STK32A: variants seen among roughly 807,000 people sequenced by gnomAD.
STK32A encodes the protein serine/threonine-protein kinase 32A.
STK32A carries 41 observed loss-of-function variants against 53.2 expected under a neutral mutation model. The observed-to-expected ratio is 0.77, with a 90% confidence interval of 0.60 to 1.00. STK32A has a LOEUF of 1.00. Ranked by LOEUF, STK32A falls within the 50% of genes least tolerant of loss-of-function variation. The probability of loss-of-function intolerance (pLI) is 0.00; values close to 1 mark genes in which losing one functional copy is unlikely to be tolerated. For synonymous variants in STK32A, 166 were observed against 162.8 expected (o/e 1.02, Z -0.15); for missense variants, 458 against 485.8 (o/e 0.94, Z 0.54).
chr5:147,333,686 T>G (rs1465532000), intron 5 of STK32A, among the ~76,000 whole-genome samples: 1 of 152,224 alleles, frequency 6.6e-6, no homozygotes, highest in Non-Finnish European at 1.5e-5. Flanking sequence ...TATATTAATT[T>G]ATTATACCCA....
intron 2 of STK32A, among the ~76,000 whole-genome samples, chr5:147,275,214 G>A (rs986522955): frequency 6.6e-6 from 1 of 151,848 alleles, no homozygotes; most frequent in African/African-American, 2.4e-5. Flanking sequence ...TTCTGATTTT[G>A]TTTGAATTTA....
intron 1 of STK32A, among the ~76,000 whole-genome samples, chr5:147,236,930 T>C (rs1384971807): frequency 1.3e-5 from 2 of 152,128 alleles, no homozygotes; most frequent in Admixed American, 1.3e-4. Context: ...TGGGGTGCAT[T>C]GTGAAAACTA....
intron 2 of STK32A, among the ~76,000 whole-genome samples, chr5:147,272,635 T>TTAG (rs2151952082): frequency 1.3e-5 from 2 of 151,792 alleles, no homozygotes; most frequent in East Asian, 3.9e-4. Flanking sequence ...CAAGGATTTG[T>TTAG]TAATGGTTGC....
At position 147,336,399 on chromosome 5, in the gene STK32A, C is replaced by A. The variant is rs148594887; in HGVS notation, c.435-6607C>A. Among the ~76,000 whole-genome samples the A allele has an allele frequency of 1.1e-4, 16 of 152,000 alleles. No homozygotes were observed. In the East Asian group the frequency reaches 3.1e-3, roughly 30 times the overall value. On this transcript the variant is annotated intron_variant, in intron 5 of 12. Coordinates refer to ENST00000397936, the MANE Select transcript of STK32A (RefSeq NM_001112724.2). ...TGCTAACTCCTGGCCCAGGAGAGGTCCTTCAGGGCACTGCTCCTGGGCTTC... is the reference window on the plus strand; with the variant it reads ...TGCTAACTCCTGGCCCAGGAGAGGTACTTCAGGGCACTGCTCCTGGGCTTC...
chr5:147,367,843 CCTT>C (rs111774605), intron 8 of STK32A, among the ~76,000 whole-genome samples: 7,300 of 152,112 alleles, frequency 0.048, 616 homozygotes, highest in African/African-American at 0.17. Context: ...CACTTAGACA[CCTT>C]CTAGGAAAAA....
At chr5:147,362,533 G>T (rs1001248966) in intron 8 of STK32A, among the ~76,000 whole-genome samples, 1 of 152,132 alleles carries the variant, frequency 6.6e-6, no homozygotes, top group Non-Finnish European at 1.5e-5. Context: ...GAGGGTTAAG[G>T]CTTCAACATC....
chr5:147,253,596 T>C (rs1388668444), intron 2 of STK32A, among the ~76,000 whole-genome samples: 2 of 152,144 alleles, frequency 1.3e-5, no homozygotes, highest in Non-Finnish European at 2.9e-5. Flanking sequence ...TCTCAAGTGA[T>C]CCACCCACCT....
the STK32A span, among the ~76,000 whole-genome samples, chr5:147,397,384 C>T: frequency 2.0e-5 from 3 of 152,000 alleles, no homozygotes; most frequent in Non-Finnish European, 2.9e-5. Context: ...AAAAAATACA[C>T]TGGCCTTATT....
chr5:147,351,036 C>T, intron 6 of STK32A, 29 bp from the exon 7 acceptor site: 1 of 1,602,882 alleles, frequency 6.2e-7, no homozygotes, highest in Non-Finnish European at 8.5e-7. Context: ...TGGGACTTAA[C>T]TTTCTGTGTG....
chr5:147,359,020 T>C (rs1042864696), intron 7 of STK32A, among the ~76,000 whole-genome samples: 1 of 152,222 alleles, frequency 6.6e-6, no homozygotes, highest in Non-Finnish European at 1.5e-5. Flanking sequence ...GACATTTGCT[T>C]ATAACTGTTT....
chr5:147,335,405 A>G (rs1396123101), intron 5 of STK32A, among the ~76,000 whole-genome samples: 1 of 152,150 alleles, frequency 6.6e-6, no homozygotes, highest in Non-Finnish European at 1.5e-5. Flanking sequence ...TTGATTCAAC[A>G]ATTCAGCAGT....
chr5:147,329,553 G>C (rs1056297211), intron 5 of STK32A, among the ~76,000 whole-genome samples: 2 of 152,186 alleles, frequency 1.3e-5, no homozygotes, highest in African/African-American at 2.4e-5. Context: ...ATATCAAAAG[G>C]CTTTTAAATG....
chr5:147,284,493 C>T (rs1380806685), intron 4 of STK32A, among the ~76,000 whole-genome samples: 5 of 151,864 alleles, frequency 3.3e-5, no homozygotes, highest in African/African-American at 9.7e-5. Flanking sequence ...GCGATATGAT[C>T]GTTTAACTTG....
At chr5:147,310,046 C>G (rs545323582) in intron 4 of STK32A, among the ~76,000 whole-genome samples, 2 of 152,126 alleles carry the variant, frequency 1.3e-5, no homozygotes, top group Non-Finnish European at 2.9e-5. Flanking sequence ...TTTAGTAAAA[C>G]AAAATCACCA....
At chr5:147,320,282 T>G (rs116272253) in intron 4 of STK32A, among the ~76,000 whole-genome samples, 118 of 152,288 alleles carry the variant, frequency 7.7e-4, no homozygotes, top group African/African-American at 2.6e-3. Context: ...TGTGAGTGAC[T>G]TTCTTTTTTC....
chr5:147,363,675 G>A (rs1301543974), intron 8 of STK32A, among the ~76,000 whole-genome samples: 2 of 152,166 alleles, frequency 1.3e-5, no homozygotes, highest in African/African-American at 4.8e-5. Context: ...ATTCAAACTG[G>A]CAGCATCTGC....
chr5:147,381,567 C>G (rs1481724065), intron 11 of STK32A, among the ~76,000 whole-genome samples: 1 of 151,104 alleles, frequency 6.6e-6, no homozygotes, highest in Non-Finnish European at 1.5e-5. Context: ...CTCTTGAACC[C>G]AAGAGGAGGA....
chr5:147,238,842 CAT>C (rs1279623601), intron 1 of STK32A, among the ~76,000 whole-genome samples: 4 of 151,250 alleles, frequency 2.6e-5, no homozygotes, highest in Admixed American at 6.6e-5. Context: ...TGTATATAAA[CAT>C]AATATATACG....
intron 2 of STK32A, among the ~76,000 whole-genome samples, chr5:147,260,252 C>G (rs1754486402): frequency 1.5e-5 from 2 of 137,404 alleles, no homozygotes; most frequent in Non-Finnish European, 1.6e-5. Flanking sequence ...CTCTCTCTCT[C>G]TCCTCTCTCT....
Sources: gnomAD v4.1 joint callset for allele counts (sites outside exome capture counted in the v4.1 genomes callset) on GRCh38, gnomAD v4.1.1 for gene constraint, MANE v1.5 for transcripts, NCBI Gene and HGNC (gene_info 2026-07-23, HGNC 2026-07-21) for gene names.